PTPRD: variants seen among roughly 807,000 people sequenced by gnomAD.
PTPRD encodes protein tyrosine phosphatase receptor type D.
In PTPRD, 34 loss-of-function variants were observed where a neutral mutation model predicts 214.5. The ratio of observed to expected loss-of-function variants is 0.16; its 90% confidence interval spans 0.12 to 0.21. PTPRD has a LOEUF of 0.21. PTPRD is among the 10% of genes least tolerant of loss of function. The pLI is 1.00. For synonymous variants in PTPRD, 1,128 were observed against 845.7 expected (o/e 1.33, Z -5.79); for missense variants, 2,545 against 2,398.7 (o/e 1.06, Z -1.27).
At chr9:9,889,164 G>A (rs995639838) in intron 5 of PTPRD, among the ~76,000 whole-genome samples, 7 of 151,954 alleles carry the variant, frequency 4.6e-5, no homozygotes, top group East Asian at 1.9e-4. Context: ...GAGAGGATAC[G>A]AAATTTTAGA....
rs1354973782 is a variant in PTPRD, at chr9:8,353,420, G to T, written c.4662-11442C>A. The stretch of plus-strand genomic sequence containing the variant: ...TATGCCTATTTATTTATTTATTTAT[G>T]AATGTATGAATGAATGAATGAATGA... On this transcript the variant is annotated intron_variant, in intron 39 of 45. Coordinates refer to ENST00000381196, the MANE Select transcript of PTPRD (RefSeq NM_002839.4). 1.1e-3 allele frequency among the ~76,000 whole-genome samples: 125 copies of T among 109,982 alleles called. 1 individual carries two copies. The highest frequency in any genetic ancestry group is 2.9e-3 in the African/African-American group (115 of 39,176). 72.2% of individuals were successfully genotyped at this position (109,982 alleles called of 152,430 possible). A position where few individuals can be genotyped will look rare whatever the true frequency, so the allele number is the denominator to read the frequency against.
chr9:8,987,427 C>T (rs2099350024), intron 11 of PTPRD, among the ~76,000 whole-genome samples: 1 of 152,130 alleles, frequency 6.6e-6, no homozygotes, highest in African/African-American at 2.4e-5. Flanking sequence ...TCCATCTTAG[C>T]TTTCCTCATT....
chr9:10,582,220 A>C (rs186412602), intron 2 of PTPRD, among the ~76,000 whole-genome samples: 18 of 152,306 alleles, frequency 1.2e-4, no homozygotes, highest in East Asian at 7.7e-4. Flanking sequence ...TATCAACAAG[A>C]AGCAGCATGA....
chr9:8,596,883 A>C (rs2094504750), intron 14 of PTPRD, among the ~76,000 whole-genome samples: 1 of 152,230 alleles, frequency 6.6e-6, no homozygotes, highest in African/African-American at 2.4e-5. Context: ...GTTGGACTCC[A>C]TTTGACACAT....
chr9:8,399,399 G>GT (rs2091965949), intron 36 of PTPRD, among the ~76,000 whole-genome samples: 1 of 152,056 alleles, frequency 6.6e-6, no homozygotes, highest in South Asian at 2.1e-4. Context: ...TTAAATGTTC[G>GT]TGAAATTATC....
At chr9:9,872,823 T>C (rs2065848478) in intron 5 of PTPRD, among the ~76,000 whole-genome samples, 1 of 151,966 alleles carries the variant, frequency 6.6e-6, no homozygotes, top group African/African-American at 2.4e-5. Context: ...CAAGAGAAGA[T>C]GGAGGAGAGG....
chr9:10,577,305 T>C (rs1364082803), intron 2 of PTPRD, among the ~76,000 whole-genome samples: 6 of 152,198 alleles, frequency 3.9e-5, no homozygotes, highest in Non-Finnish European at 2.9e-5. Context: ...ACATTTATAA[T>C]TACCAACTAA....
chr9:9,034,521 A>G (rs2099615476), intron 10 of PTPRD, among the ~76,000 whole-genome samples: 1 of 152,204 alleles, frequency 6.6e-6, no homozygotes, highest in African/African-American at 2.4e-5. Context: ...CATTGTAAAC[A>G]TGGGGAATAA....
intron 2 of PTPRD, among the ~76,000 whole-genome samples, chr9:10,523,787 A>G (rs900486905): frequency 6.6e-6 from 1 of 151,536 alleles, no homozygotes; most frequent in Non-Finnish European, 1.5e-5. Context: ...TGATAGAAGT[A>G]AAAAGTCAAA....
chr9:9,314,734 T>A (rs1288066827), intron 9 of PTPRD, among the ~76,000 whole-genome samples: 1 of 152,090 alleles, frequency 6.6e-6, no homozygotes, highest in Non-Finnish European at 1.5e-5. Flanking sequence ...TGAGCCAGTG[T>A]CGAAATGAAT....
At chr9:10,527,608 G>A (rs1345414867) in intron 2 of PTPRD, among the ~76,000 whole-genome samples, 2 of 152,006 alleles carry the variant, frequency 1.3e-5, no homozygotes, top group African/African-American at 4.8e-5. Flanking sequence ...GTAAACCACT[G>A]GAAAATGAAA....
At chr9:9,879,838 C>T (rs1348520339) in intron 5 of PTPRD, among the ~76,000 whole-genome samples, 6 of 152,210 alleles carry the variant, frequency 3.9e-5, no homozygotes, top group South Asian at 2.1e-4. Context: ...ATTTCCAGTT[C>T]GTCTTGCTTC....
At chr9:9,748,708 A>C (rs921703184) in intron 6 of PTPRD, among the ~76,000 whole-genome samples, 28 of 152,144 alleles carry the variant, frequency 1.8e-4, no homozygotes, top group Non-Finnish European at 1.5e-4. Flanking sequence ...AAATTATTTC[A>C]GGCTTTCGTT....
chr9:8,670,306 C>T (rs2097257264), intron 12 of PTPRD, among the ~76,000 whole-genome samples: 1 of 152,104 alleles, frequency 6.6e-6, no homozygotes. Context: ...TCTCCCATTT[C>T]CTTTCCCTCC....
chr9:8,408,393 G>A (rs759638622), intron 35 of PTPRD, among the ~76,000 whole-genome samples: 3 of 151,986 alleles, frequency 2.0e-5, no homozygotes, highest in African/African-American at 7.3e-5. Context: ...ACTCAACTCT[G>A]TCCACCCAAA....
At chr9:9,910,587 A>C (rs1177833973) in intron 5 of PTPRD, among the ~76,000 whole-genome samples, 1 of 152,016 alleles carries the variant, frequency 6.6e-6, no homozygotes, top group African/African-American at 2.4e-5. Context: ...TAGTTACTAA[A>C]TTATAAGTGT....
At chr9:8,758,520 C>G (rs2094176365) in intron 11 of PTPRD, among the ~76,000 whole-genome samples, 1 of 152,100 alleles carries the variant, frequency 6.6e-6, no homozygotes, top group Non-Finnish European at 1.5e-5. Context: ...AAAAATAAAA[C>G]AGCCTAGAGA....
intron 3 of PTPRD, among the ~76,000 whole-genome samples, chr9:10,122,939 A>G (rs1055521912): frequency 2.0e-5 from 3 of 152,208 alleles, no homozygotes; most frequent in African/African-American, 7.2e-5. Context: ...CGGCAGATAT[A>G]AAGCAGGCAG....
rs545181443 is a variant in PTPRD at position 8,995,064 on chromosome 9, C to A, written c.-104+23633G>T. On this transcript the variant is annotated intron_variant, in intron 11 of 45. Transcript: ENST00000381196. ...AGACATGGGGGTAGAAAAACCTGTT[C>A]AAGACCAGAAGAATGGAATGAGAGA... 1.1e-3 allele frequency among the ~76,000 whole-genome samples: 163 copies of A among 151,920 alleles called. 1 individual carries two copies. Among genetic ancestry groups the A allele is most frequent in the African/African-American group, 3.7e-3 (154 of 41,456 alleles).
Sources: gnomAD v4.1 joint callset for allele counts (sites outside exome capture counted in the v4.1 genomes callset) on GRCh38, gnomAD v4.1.1 for gene constraint, MANE v1.5 for transcripts, NCBI Gene and HGNC (gene_info 2026-07-23, HGNC 2026-07-21) for gene names.